The following NOX4 variants were observed in gnomAD, a reference collection of about 807,000 sequenced individuals.
NOX4 encodes the protein kidney oxidase-1.
NOX4 carries 69 observed loss-of-function variants against 87.6 expected under a neutral mutation model. The ratio of observed to expected loss-of-function variants is 0.79; its 90% CI spans 0.65 to 0.96. NOX4 has a LOEUF of 0.96. Among genes scored for constraint, NOX4 ranks in the 40% least tolerant of loss-of-function variants. The pLI is 0.00. For missense variants in NOX4, 680 were observed against 681.5 expected (o/e 1.00, Z 0.02); for synonymous variants, 275 against 238.2 (o/e 1.15, Z -1.42).
At chr11:89,509,484 A>G in the NOX4 span, among the ~76,000 whole-genome samples, 5 of 152,014 alleles carry the variant, frequency 3.3e-5, no homozygotes, top group African/African-American at 1.2e-4. Flanking sequence ...GCCTATCTCT[A>G]AGACTCAACT....
chr11:89,493,726 TATTATTA>T (rs1565357806), upstream of NOX4, among the ~76,000 whole-genome samples: 13 of 106,308 alleles, frequency 1.2e-4, no homozygotes, highest in South Asian at 8.0e-4. Flanking sequence ...ATTGTTTTAT[TATTATTA>T]TTATTATTAT....
intron 2 of NOX4, among the ~76,000 whole-genome samples, chr11:89,471,279 C>T (rs1467886876): frequency 2.6e-5 from 4 of 152,128 alleles, no homozygotes; most frequent in Admixed American, 2.6e-4. Flanking sequence ...AAAGCCCAAA[C>T]TGCCTCTTAC....
At chr11:89,491,568 C>A (rs932217164), upstream of NOX4, 1 of 352,668 alleles carries the variant, frequency 2.8e-6, no homozygotes, top group Non-Finnish European at 5.1e-6. Context: ...TGTCTAGGGG[C>A]GAGCCTGTTG....
chr11:89,493,019 T>C (rs2135504797), upstream of NOX4, among the ~76,000 whole-genome samples: 1 of 152,378 alleles, frequency 6.6e-6, no homozygotes, highest in East Asian at 1.9e-4. Flanking sequence ...CTGTCTTTGC[T>C]ACTTCATATA....
the NOX4 span, among the ~76,000 whole-genome samples, chr11:89,586,423 G>T: frequency 1.3e-5 from 2 of 152,180 alleles, no homozygotes; most frequent in African/African-American, 2.4e-5. Flanking sequence ...GTGATTTTGA[G>T]AAATTAGGTA....
chr11:89,569,308 C>T, the NOX4 span, among the ~76,000 whole-genome samples: 1 of 151,946 alleles, frequency 6.6e-6, no homozygotes, highest in Non-Finnish European at 1.5e-5. Flanking sequence ...GCAAACTATG[C>T]ATCTGACAGA....
At chr11:89,423,216 A>G (rs773951931) in intron 7 of NOX4, among the ~76,000 whole-genome samples, 2 of 152,150 alleles carry the variant, frequency 1.3e-5, no homozygotes, top group Non-Finnish European at 1.5e-5. Context: ...TTTATTAATT[A>G]CAAACCCAAC....
At chr11:89,561,015 T>C in the NOX4 span, among the ~76,000 whole-genome samples, 198 of 80,394 alleles carry the variant, frequency 2.5e-3, 1 homozygote, top group South Asian at 2.9e-3. Context: ...TATATATATA[T>C]ATATACATAC....
the NOX4 span, among the ~76,000 whole-genome samples, chr11:89,552,385 G>A: frequency 6.6e-6 from 1 of 152,158 alleles, no homozygotes; most frequent in Non-Finnish European, 1.5e-5. Context: ...AGCCTTTGCA[G>A]AGGAACTTAT....
chr11:89,378,505 A>G (rs1394726296), intron 11 of NOX4, among the ~76,000 whole-genome samples: 9 of 152,104 alleles, frequency 5.9e-5, no homozygotes, highest in Non-Finnish European at 1.3e-4. Flanking sequence ...TGATTTTTCT[A>G]TATTAATAAA....
intron 12 of NOX4, among the ~76,000 whole-genome samples, chr11:89,361,048 T>G (rs975911638): frequency 3.9e-4 from 60 of 152,172 alleles, no homozygotes; most frequent in African/African-American, 1.3e-3. Context: ...TGGAGATTCC[T>G]TAAAGAACTT....
intron 11 of NOX4, among the ~76,000 whole-genome samples, chr11:89,396,884 C>T (rs1288199167): frequency 2.6e-5 from 4 of 151,948 alleles, no homozygotes; most frequent in Non-Finnish European, 5.9e-5. Flanking sequence ...ACTTTAACAC[C>T]CCACTTTCAA....
chr11:89,373,331 A>T, intron 12 of NOX4, 101 bp downstream of exon 12: 1 of 646,906 alleles, frequency 1.5e-6, no homozygotes, highest in South Asian at 2.6e-5. Context: ...TGAAACACAT[A>T]CACATCTCTA....
the NOX4 span, among the ~76,000 whole-genome samples, chr11:89,506,202 A>G: frequency 2.7e-5 from 4 of 148,054 alleles, no homozygotes; most frequent in Non-Finnish European, 6.0e-5. Flanking sequence ...TTGGATGTCC[A>G]TTTGTAGAAA....
intron 11 of NOX4, among the ~76,000 whole-genome samples, chr11:89,388,133 C>T (rs761296846): frequency 2.0e-5 from 3 of 151,990 alleles, no homozygotes; most frequent in Non-Finnish European, 4.4e-5. Context: ...TTATATGTAC[C>T]TCAAATTTAA....
At chr11:89,393,298 T>C (rs1382030779) in intron 11 of NOX4, among the ~76,000 whole-genome samples, 2 of 152,094 alleles carry the variant, frequency 1.3e-5, no homozygotes, top group South Asian at 2.1e-4. Context: ...AAAATCCTGA[T>C]CTAGTGCAAT....
At chr11:89,496,166 A>C (rs1378483754), upstream of NOX4, among the ~76,000 whole-genome samples, 1 of 152,198 alleles carries the variant, frequency 6.6e-6, no homozygotes, top group East Asian at 1.9e-4. Context: ...TCATTTCTAC[A>C]CAAAAACAAG....
At chr11:89,431,340 C>A (rs1285492512) in intron 7 of NOX4, among the ~76,000 whole-genome samples, 4 of 151,778 alleles carry the variant, frequency 2.6e-5, no homozygotes, top group Non-Finnish European at 4.4e-5. Flanking sequence ...GCAACAAAAG[C>A]CAAAATTGAA....
chr11:89,562,084 T>A, the NOX4 span, among the ~76,000 whole-genome samples: 1 of 152,138 alleles, frequency 6.6e-6, no homozygotes, highest in Non-Finnish European at 1.5e-5. Context: ...TCCAAAAACC[T>A]CCAGGCATTA....
Sources: allele counts gnomAD v4.1 joint callset (sites outside exome capture counted in the v4.1 genomes callset), GRCh38; gene constraint gnomAD v4.1.1; transcripts MANE v1.5; gene names NCBI Gene and HGNC (gene_info 2026-07-23, HGNC 2026-07-21).